CREB3L2: variants seen among roughly 807,000 people sequenced by gnomAD.
The protein encoded by CREB3L2 is cAMP responsive element binding protein 3 like 2.
In CREB3L2, 23 loss-of-function variants were observed where a neutral mutation model predicts 57.2. The observed-to-expected ratio is 0.40, with a 90% CI of 0.29 to 0.57. The LOEUF (loss-of-function observed/expected upper bound fraction) is 0.57, where lower values mean the gene tolerates loss of function less well. Ranked by LOEUF, CREB3L2 falls within the 20% of genes least tolerant of loss-of-function variation. The pLI is 0.42. For synonymous variants in CREB3L2, 268 were observed against 265.1 expected, an observed-to-expected ratio of 1.01 and a Z score of -0.11; for missense variants, 628 against 634.7, an observed-to-expected ratio of 0.99 and a Z score of 0.11.
intron 1 of CREB3L2, among the ~76,000 whole-genome samples, chr7:137,939,513 C>A (rs757694616): frequency 6.6e-6 from 1 of 152,188 alleles, no homozygotes; most frequent in Non-Finnish European, 1.5e-5. Flanking sequence ...CAGAAATACC[C>A]GTATCAGGTA....
At chr7:137,974,225 GA>G (rs780092660) in intron 1 of CREB3L2, among the ~76,000 whole-genome samples, 8 of 152,198 alleles carry the variant, frequency 5.3e-5, no homozygotes, top group Non-Finnish European at 7.3e-5. Flanking sequence ...ACAATAATGG[GA>G]GAGAAAAGGT....
chr7:137,962,682 T>C (rs928289997), intron 1 of CREB3L2, among the ~76,000 whole-genome samples: 2 of 151,890 alleles, frequency 1.3e-5, no homozygotes, highest in African/African-American at 4.8e-5. Context: ...GGTTTATTGT[T>C]CTCCATAACA....
intron 9 of CREB3L2, 140 bp downstream of exon 9, chr7:137,885,263 C>A: frequency 8.5e-7 from 1 of 1,170,406 alleles, no homozygotes; most frequent in South Asian, 1.4e-5. Flanking sequence ...CAGAGTGCCT[C>A]ACCGAGGAAC....
Position 138,001,978 on chromosome 7 carries a change from T to C in CREB3L2, c.-273A>G. On this transcript the variant is annotated 5_prime_UTR_variant, in exon 1 of 12. Coordinates refer to ENST00000330387, the MANE Select transcript of CREB3L2 (RefSeq NM_194071.4). The surrounding 1 kb of genome is among the most constrained non-coding windows in gnomAD (Gnocchi z 4.2). ...GCTAAAGCGGGATGTGCATCCAAAA[T>C]GAAGGCAGAAGACCCGCTCTCATCC... 2.4e-6 allele frequency: 1 copy of C among 413,386 alleles called. No homozygotes were observed. The highest frequency in any genetic ancestry group is 4.4e-6 in the Non-Finnish European group (1 of 229,282). 25.6% of individuals were successfully genotyped at this position (413,386 alleles called of 1,614,324 possible).
chr7:137,955,331 G>A, intron 1 of CREB3L2: 1 of 1,288,900 alleles, frequency 7.8e-7, no homozygotes, highest in Non-Finnish European at 1.0e-6. Flanking sequence ...GTCGCATCCT[G>A]GTTTGGTAAG....
intron 1 of CREB3L2, among the ~76,000 whole-genome samples, chr7:137,971,398 C>G (rs868865214): frequency 1.3e-5 from 2 of 150,386 alleles, no homozygotes; most frequent in Non-Finnish European, 1.5e-5. Context: ...TGCAGTGAGC[C>G]GAGATCGCGC....
chr7:137,931,669 T>C (rs892356073), intron 1 of CREB3L2, among the ~76,000 whole-genome samples: 1 of 150,642 alleles, frequency 6.6e-6, no homozygotes, highest in Non-Finnish European at 1.5e-5. Flanking sequence ...CCATCTCTAC[T>C]AAAAATACAA....
intron 1 of CREB3L2, among the ~76,000 whole-genome samples, chr7:137,979,993 T>C (rs1430199166): frequency 6.6e-6 from 1 of 152,226 alleles, no homozygotes; most frequent in Non-Finnish European, 1.5e-5. Flanking sequence ...GTGAGTCCAA[T>C]CAGCCTCACA....
chr7:137,955,342 C>T, intron 1 of CREB3L2: 1 of 1,287,422 alleles, frequency 7.8e-7, no homozygotes, highest in Non-Finnish European at 1.0e-6. Context: ...GTTTGGTAAG[C>T]ACCACAGGAT....
intron 1 of CREB3L2, among the ~76,000 whole-genome samples, chr7:137,989,186 G>T (rs1017275939): frequency 6.6e-6 from 1 of 152,108 alleles, no homozygotes; most frequent in Non-Finnish European, 1.5e-5. Flanking sequence ...TGCAGTTCGT[G>T]CTCTCGCCTG....
At chr7:137,912,797 TG>T in intron 4 of CREB3L2, 193 bp downstream of exon 4, 1 of 1,477,254 alleles carries the variant, frequency 6.8e-7, no homozygotes, top group South Asian at 1.2e-5. Flanking sequence ...CGTGCATATA[TG>T]GGAAAATAAT....
Position 137,877,167 on chromosome 7 carries a change from A to G in CREB3L2, c.*3309T>C, listed in dbSNP as rs1799172823. ...GCACGTAAGATTCACAAGCTGAACC[A>G]AGAGATTTAGGAAGAAAAAAAAAAA... On this transcript the variant is annotated 3_prime_UTR_variant, in exon 12 of 12. Transcript: ENST00000330387. The G allele has an allele frequency of 4.4e-6, 1 of 229,820 alleles. No individual in the cohort carries two copies. The highest frequency in any genetic ancestry group is 2.2e-5 in the African/African-American group (1 of 45,172). 14.2% of individuals were successfully genotyped at this position (229,820 alleles called of 1,614,324 possible).
chr7:137,999,055 G>C (rs1196375190), intron 1 of CREB3L2, among the ~76,000 whole-genome samples: 1 of 151,312 alleles, frequency 6.6e-6, no homozygotes, highest in Non-Finnish European at 1.5e-5. Context: ...GAAGCACCCA[G>C]AGTTTATAAG....
At chr7:137,940,520 C>G (rs1800864241) in intron 1 of CREB3L2, among the ~76,000 whole-genome samples, 2 of 148,336 alleles carry the variant, frequency 1.3e-5, no homozygotes, top group Admixed American at 1.3e-4. Context: ...CACATGAAAT[C>G]AAAGAGTTGA....
At chr7:137,926,376 A>G (rs963962408) in intron 2 of CREB3L2, among the ~76,000 whole-genome samples, 19 of 152,240 alleles carry the variant, frequency 1.2e-4, no homozygotes, top group African/African-American at 4.6e-4. Flanking sequence ...TGTAACACAT[A>G]TACACCATGG....
At chr7:137,928,601 G>T (rs1800536442) in intron 1 of CREB3L2, among the ~76,000 whole-genome samples, 1 of 152,132 alleles carries the variant, frequency 6.6e-6, no homozygotes, top group Non-Finnish European at 1.5e-5. Context: ...TGGGTGAGCT[G>T]ATTTCATCTG....
rs1390973648 is a variant in CREB3L2 at position 137,980,887 on chromosome 7, T to A, written c.102+20717A>T. Among the ~76,000 whole-genome samples the A allele has an allele frequency of 6.6e-6, 1 of 152,124 alleles. No homozygotes were observed. On this transcript the variant is annotated intron_variant, in intron 1 of 11. Coordinates refer to ENST00000330387, the MANE Select transcript of CREB3L2 (RefSeq NM_194071.4). The surrounding 1 kb of genome is among the most constrained non-coding windows in gnomAD (Gnocchi z 4.3). ...TGTTCCTCCACAATGTGACCCCCCT[T>A]TGTCGCCAGCTACTCCATACATTTA...
At chr7:137,887,455 T>C (rs1470569193) in intron 8 of CREB3L2, among the ~76,000 whole-genome samples, 2 of 152,162 alleles carry the variant, frequency 1.3e-5, no homozygotes, top group African/African-American at 4.8e-5. Flanking sequence ...ACGCCTGTAA[T>C]CCCAACACTT....
At position 137,928,137 on chromosome 7, in the gene CREB3L2, C is replaced by T. The variant is rs771506916; in HGVS notation, c.319+13G>A. 12 of 1,550,432 alleles carry T rather than the reference C, an allele frequency of 7.7e-6. No homozygotes were observed. The highest frequency in any genetic ancestry group is 5.2e-6 in the Non-Finnish European group (6 of 1,146,050). On this transcript the variant is annotated intron_variant, in intron 2 of 11. Transcript: ENST00000330387. ...GCGCTAAGGTCCAGGTCTTCCTCCT[C>T]CTCTGAGTTTACCGTCATTGAAGCT...
Sources: allele counts gnomAD v4.1 joint callset (sites outside exome capture counted in the v4.1 genomes callset), GRCh38; gene constraint gnomAD v4.1.1; non-coding constraint Gnocchi (gnomAD v3.1); transcripts MANE v1.5; gene names NCBI Gene and HGNC (gene_info 2026-07-23, HGNC 2026-07-21).